Variants in MAPK10 observed in about 807,000 individuals in gnomAD.
MAPK10 encodes the protein mitogen-activated protein kinase 10, also known as JNK3 alpha protein kinase.
MAPK10 carries 25 observed loss-of-function variants against 59.3 expected under a neutral mutation model. The ratio of observed to expected loss-of-function variants is 0.42; its 90% CI spans 0.31 to 0.59. The LOEUF (loss-of-function observed/expected upper bound fraction) is 0.59. Ranked by LOEUF, MAPK10 falls within the 20% of genes least tolerant of loss-of-function variation. The probability of loss-of-function intolerance (pLI) is 0.15; values close to 1 mark genes in which losing one functional copy is unlikely to be tolerated. For missense variants in MAPK10, 351 were observed against 568.9 expected, an observed-to-expected ratio of 0.62 and a Z score of 3.90; for synonymous variants, 190 against 200.5, an observed-to-expected ratio of 0.95 and a Z score of 0.44.
intron 2 of MAPK10, among the ~76,000 whole-genome samples, chr4:86,354,104 GT>G (rs749531079): frequency 3.9e-4 from 56 of 144,508 alleles, no homozygotes; most frequent in Admixed American, 4.8e-4. Context: ...GAGCTAAATT[GT>G]GTGTGTGTGT....
At chr4:86,527,520 G>T (rs954135069) in intron 1 of MAPK10, among the ~76,000 whole-genome samples, 2 of 152,112 alleles carry the variant, frequency 1.3e-5, no homozygotes, top group Non-Finnish European at 2.9e-5. Context: ...ACAGATGCTG[G>T]TGAGGCTGTG....
At chr4:86,592,973 G>A (rs948149015) in intron 1 of MAPK10, among the ~76,000 whole-genome samples, 4 of 152,178 alleles carry the variant, frequency 2.6e-5, no homozygotes, top group Admixed American at 2.0e-4. Context: ...CCTTGGGAGC[G>A]GGGACTTAGC....
chr4:86,467,771 G>A (rs900364911), intron 1 of MAPK10, among the ~76,000 whole-genome samples: 33 of 152,262 alleles, frequency 2.2e-4, no homozygotes, highest in African/African-American at 7.9e-4. Flanking sequence ...GCGCACCTCG[G>A]CCTCCCAAAG....
intron 1 of MAPK10, among the ~76,000 whole-genome samples, chr4:86,586,575 G>GA (rs1762667489): frequency 6.6e-6 from 1 of 152,144 alleles, no homozygotes; most frequent in Non-Finnish European, 1.5e-5. Flanking sequence ...AAAATAAAGT[G>GA]AATTTTAACT....
At chr4:86,231,492 A>G (rs1305178898) in intron 2 of MAPK10, among the ~76,000 whole-genome samples, 2 of 151,796 alleles carry the variant, frequency 1.3e-5, no homozygotes, top group Admixed American at 6.6e-5. Flanking sequence ...CGTCCCTACT[A>G]AAGAAAAAAA....
At chr4:86,231,695 C>A (rs181437794) in intron 2 of MAPK10, among the ~76,000 whole-genome samples, 2 of 151,908 alleles carry the variant, frequency 1.3e-5, no homozygotes, top group African/African-American at 4.8e-5. Flanking sequence ...AAAAAAAGTA[C>A]AGTTATAGGG....
chr4:86,081,613 C>G (rs1449920373), intron 9 of MAPK10: 1 of 151,890 alleles, frequency 6.6e-6, no homozygotes, highest in Non-Finnish European at 1.5e-5. Flanking sequence ...CTTAGCCTCC[C>G]TTGTAGACAA....
intron 2 of MAPK10, among the ~76,000 whole-genome samples, chr4:86,292,486 G>T (rs542632533): frequency 2.0e-5 from 3 of 152,156 alleles, no homozygotes; most frequent in African/African-American, 7.2e-5. Context: ...GGAGACCGAG[G>T]TGGGAGGACA....
intron 4 of MAPK10, among the ~76,000 whole-genome samples, chr4:86,158,073 T>C (rs564630502): frequency 6.6e-6 from 1 of 152,148 alleles, no homozygotes; most frequent in South Asian, 2.1e-4. Flanking sequence ...ACAGCAATTG[T>C]CTTAATATTA....
intron 2 of MAPK10, among the ~76,000 whole-genome samples, chr4:86,204,376 T>C (rs1563067551): frequency 6.6e-6 from 1 of 151,978 alleles, no homozygotes; most frequent in East Asian, 1.9e-4. Flanking sequence ...TATAACAAGA[T>C]AGAAGTAAAA....
At chr4:86,256,200 A>C (rs374516674) in intron 2 of MAPK10, among the ~76,000 whole-genome samples, 18 of 152,184 alleles carry the variant, frequency 1.2e-4, no homozygotes, top group East Asian at 9.6e-4. Flanking sequence ...TGTCTCTACA[A>C]TCAACCAATC....
chr4:86,141,544 T>C (rs183799376), intron 4 of MAPK10, among the ~76,000 whole-genome samples: 270 of 152,264 alleles, frequency 1.8e-3, no homozygotes, highest in Middle Eastern at 6.8e-3. Flanking sequence ...GAAAAAGAAA[T>C]TAACATTGCG....
At chr4:86,468,340 G>A (rs752352298) in intron 1 of MAPK10, among the ~76,000 whole-genome samples, 1 of 152,108 alleles carries the variant, frequency 6.6e-6, no homozygotes, top group Non-Finnish European at 1.5e-5. Flanking sequence ...TATTGCAATA[G>A]TCCCTTTGAC....
chr4:86,253,757 T>C (rs1165641278), intron 2 of MAPK10, among the ~76,000 whole-genome samples: 1 of 74,038 alleles, frequency 1.4e-5, no homozygotes. Context: ...TGGTACCAGT[T>C]CCTCCTTGTA....
chr4:86,334,722 G>C (rs1720014484), intron 2 of MAPK10, among the ~76,000 whole-genome samples: 1 of 149,182 alleles, frequency 6.7e-6, no homozygotes, highest in Admixed American at 6.8e-5. Flanking sequence ...GACACCCACA[G>C]TATATTCAGT....
chr4:86,410,249 G>A (rs1472046421), intron 1 of MAPK10, among the ~76,000 whole-genome samples: 3 of 152,230 alleles, frequency 2.0e-5, no homozygotes, highest in Non-Finnish European at 4.4e-5. Context: ...CAGGGATGAA[G>A]CTGACTTGAT....
At chr4:86,417,962 G>T (rs189802164) in intron 1 of MAPK10, among the ~76,000 whole-genome samples, 62 of 152,306 alleles carry the variant, frequency 4.1e-4, no homozygotes, top group Non-Finnish European at 2.9e-5. Context: ...CTTTGTTTCA[G>T]ACGGCCTTCT....
intron 2 of MAPK10, among the ~76,000 whole-genome samples, chr4:86,238,322 T>C (rs1341244875): frequency 6.6e-6 from 1 of 152,192 alleles, no homozygotes; most frequent in Admixed American, 6.5e-5. Flanking sequence ...TTGTCTTGGC[T>C]ATACGGGGTC....
chr4:86,130,968 T>C (rs1389662533), intron 4 of MAPK10, among the ~76,000 whole-genome samples: 1 of 152,158 alleles, frequency 6.6e-6, no homozygotes, highest in Non-Finnish European at 1.5e-5. Flanking sequence ...ACTGAACAAG[T>C]ATTTTAATTT....
Sources: gnomAD v4.1 joint callset for allele counts (sites outside exome capture counted in the v4.1 genomes callset) on GRCh38, gnomAD v4.1.1 for gene constraint, MANE v1.5 for transcripts, NCBI Gene and HGNC (gene_info 2026-07-23, HGNC 2026-07-21) for gene names.